The following DIS3L2 variants were observed in gnomAD, a reference collection of about 807,000 sequenced individuals.
DIS3L2 encodes the protein DIS3 like 3'-5' exoribonuclease 2, also known as DIS3-like exonuclease 2.
A neutral mutation model predicts 97.5 loss-of-function variants in DIS3L2; 34 were observed. That is an observed-to-expected ratio of 0.35 (90% confidence interval 0.27 to 0.46). The LOEUF (loss-of-function observed/expected upper bound fraction) is 0.46, where lower values mean the gene tolerates loss of function less well. DIS3L2 is among the 20% of genes least tolerant of loss of function. The pLI is 1.00. For missense variants in DIS3L2, 1,038 were observed against 1,146.0 expected, an observed-to-expected ratio of 0.91 and a Z score of 1.36; for synonymous variants, 435 against 445.2, an observed-to-expected ratio of 0.98 and a Z score of 0.29.
At chr2:232,139,688 G>C (rs1212415419) in intron 8 of DIS3L2, among the ~76,000 whole-genome samples, 3 of 152,094 alleles carry the variant, frequency 2.0e-5, no homozygotes, top group Non-Finnish European at 4.4e-5. Context: ...TAGGTAAAGG[G>C]GGAAATCCAG....
chr2:231,968,638 T>G (rs1319082840), intron 1 of DIS3L2, among the ~76,000 whole-genome samples: 2 of 152,334 alleles, frequency 1.3e-5, no homozygotes, highest in East Asian at 3.9e-4. Flanking sequence ...TGTTTCCAAT[T>G]TTAGTTATTA....
intron 14 of DIS3L2, among the ~76,000 whole-genome samples, chr2:232,317,841 G>A (rs898002163): frequency 1.1e-4 from 16 of 152,236 alleles, no homozygotes; most frequent in Non-Finnish European, 1.9e-4. Context: ...TAATATTTAT[G>A]GAATAGTTAA....
chr2:232,176,069 T>C, intron 9 of DIS3L2, among the ~76,000 whole-genome samples: 1 of 152,110 alleles, frequency 6.6e-6, no homozygotes, highest in East Asian at 1.9e-4. Flanking sequence ...TTTTATATTC[T>C]TCATAGAGAC....
chr2:232,086,643 A>ATGTG (rs1553606011), intron 5 of DIS3L2, among the ~76,000 whole-genome samples: 4 of 81,930 alleles, frequency 4.9e-5, no homozygotes, highest in African/African-American at 2.4e-4. Flanking sequence ...ATATATATAT[A>ATGTG]TGTATATATA....
intron 4 of DIS3L2, among the ~76,000 whole-genome samples, chr2:232,028,282 CA>C (rs1694714727): frequency 6.6e-6 from 1 of 152,044 alleles, no homozygotes; most frequent in Non-Finnish European, 1.5e-5. Flanking sequence ...AGACTTCTGG[CA>C]TTCAAACAAA....
chr2:231,975,401 T>TA (rs1161527379), intron 1 of DIS3L2, among the ~76,000 whole-genome samples: 4 of 151,154 alleles, frequency 2.6e-5, no homozygotes, highest in African/African-American at 7.3e-5. Flanking sequence ...ACTGAGAGGT[T>TA]AAAAAAAAGA....
chr2:232,101,786 A>G (rs931224947), intron 6 of DIS3L2, among the ~76,000 whole-genome samples: 1 of 152,224 alleles, frequency 6.6e-6, no homozygotes, highest in Non-Finnish European at 1.5e-5. Context: ...CCTCCCAACT[A>G]TTACATTCTT....
At chr2:232,204,586 G>A (rs1465019642) in intron 9 of DIS3L2, among the ~76,000 whole-genome samples, 3 of 152,160 alleles carry the variant, frequency 2.0e-5, no homozygotes, top group South Asian at 4.2e-4. Context: ...TATTTTCTGC[G>A]GGTCAGGGTT....
At chr2:232,068,314 G>T (rs1369700228) in intron 5 of DIS3L2, among the ~76,000 whole-genome samples, 3 of 151,562 alleles carry the variant, frequency 2.0e-5, no homozygotes, top group Non-Finnish European at 4.4e-5. Context: ...GCTCACAACT[G>T]TAAGCCCAGC....
chr2:232,321,072 CTG>C (rs1241024091), intron 14 of DIS3L2, among the ~76,000 whole-genome samples: 2 of 152,156 alleles, frequency 1.3e-5, no homozygotes, highest in Admixed American at 6.5e-5. Context: ...GCCTAAGAGT[CTG>C]GGTGCCTGTC....
intron 6 of DIS3L2, among the ~76,000 whole-genome samples, chr2:232,120,185 T>C (rs775215758): frequency 2.0e-5 from 3 of 152,196 alleles, no homozygotes; most frequent in Non-Finnish European, 4.4e-5. Context: ...ATAAAGTTGA[T>C]TGACTCTTGC....
At position 232,333,539 on chromosome 2, in the gene DIS3L2, G is replaced by A. The variant is rs533097318; in HGVS notation, c.2011-301G>A. ...CCCTGGTCCTCAGCAGGGTGGGCTT[G>A]TCCAGGCCATTCTCAGTGCTGCCAC... is the stretch of plus-strand genomic sequence containing the variant. On this transcript the variant is annotated intron_variant, in intron 16 of 20. Coordinates refer to ENST00000325385, the MANE Select transcript of DIS3L2 (RefSeq NM_152383.5). Among the ~76,000 whole-genome samples, 377 of 152,292 alleles carry A rather than the reference G, an allele frequency of 2.5e-3. 1 individual carries two copies. Among genetic ancestry groups the A allele is most frequent in the Non-Finnish European group, 4.4e-3 (298 of 68,010 alleles).
At chr2:232,334,980 G>T in intron 19 of DIS3L2, 1 of 515,400 alleles carries the variant, frequency 1.9e-6, no homozygotes, top group Non-Finnish European at 3.5e-6. Context: ...TCCATGGCCA[G>T]TACAGCTCGG....
At chr2:232,086,524 C>G (rs1696626191) in intron 5 of DIS3L2, among the ~76,000 whole-genome samples, 1 of 145,478 alleles carries the variant, frequency 6.9e-6, no homozygotes, top group Admixed American at 6.9e-5. Context: ...GAACCAAATC[C>G]TTTGTGGAAC....
At chr2:232,244,210 C>G (rs1213534523) in intron 11 of DIS3L2, among the ~76,000 whole-genome samples, 2 of 152,100 alleles carry the variant, frequency 1.3e-5, no homozygotes, top group African/African-American at 2.4e-5. Flanking sequence ...AATGTCAGAT[C>G]TAGGCTTGGG....
intron 7 of DIS3L2, among the ~76,000 whole-genome samples, chr2:232,135,194 C>G (rs1698322768): frequency 6.6e-6 from 1 of 152,072 alleles, no homozygotes; most frequent in African/African-American, 2.4e-5. Context: ...AGTTACTCAC[C>G]TGGATGGACG....
Position 232,263,308 on chromosome 2 carries a change from T to A in DIS3L2, c.1527T>A (p.Pro509=), listed in dbSNP as rs770279827. ...TTGAAAGCCCAACTGAGAAAATCCC[T>A]GCGAAAGAGCTGCCCCCCATTTCCC... ...SMIESPTEKI[P]AKELPPISPE... Residue 509 remains proline (P), a synonymous_variant, in exon 13 of 21, where the codon CCT becomes CCA. Coordinates refer to ENST00000325385, the MANE Select transcript of DIS3L2 (RefSeq NM_152383.5). 1 of 1,614,180 alleles carries A rather than the reference T, an allele frequency of 6.2e-7. No individual in the cohort carries two copies.
chr2:232,078,017 C>CT (rs1205085629), intron 5 of DIS3L2, among the ~76,000 whole-genome samples: 4 of 77,518 alleles, frequency 5.2e-5, no homozygotes, highest in South Asian at 4.2e-4. Flanking sequence ...TTCTTTCTTT[C>CT]TTTTTCTCTT....
chr2:232,318,351 G>A (rs992498683), intron 14 of DIS3L2, among the ~76,000 whole-genome samples: 6 of 152,258 alleles, frequency 3.9e-5, no homozygotes, highest in Non-Finnish European at 7.3e-5. Flanking sequence ...GTGGGTTGGA[G>A]GACCAGTTTC....
Sources: allele counts gnomAD v4.1 joint callset (sites outside exome capture counted in the v4.1 genomes callset), GRCh38; gene constraint gnomAD v4.1.1; transcripts MANE v1.5; gene names NCBI Gene and HGNC (gene_info 2026-07-23, HGNC 2026-07-21).